The following SLC9A3 variants were observed in gnomAD, a reference collection of about 807,000 sequenced individuals.
The protein encoded by SLC9A3 is sodium/hydrogen exchanger 3.
SLC9A3 carries 37 observed loss-of-function variants against 86.8 expected under a neutral mutation model. The observed-to-expected ratio is 0.43, with a 90% CI of 0.33 to 0.56. The LOEUF (loss-of-function observed/expected upper bound fraction) is 0.56, where lower values mean the gene tolerates loss of function less well. Among genes scored for constraint, SLC9A3 ranks in the 20% least tolerant of loss-of-function variants. The pLI, the probability that SLC9A3 is intolerant of heterozygous loss-of-function variation, is 0.06. For missense variants in SLC9A3, 1,011 were observed against 1,171.9 expected (o/e 0.86, Z 2.00); for synonymous variants, 581 against 528.3 (o/e 1.10, Z -1.37).
chr5:521,059 T>C (rs371395887), intron 1 of SLC9A3, among the ~76,000 whole-genome samples: 96 of 152,338 alleles, frequency 6.3e-4, no homozygotes, highest in African/African-American at 2.2e-3. Flanking sequence ...CACTAGGCCC[T>C]GCCGCCTCCA....
chr5:509,541 C>T (rs530178666), intron 1 of SLC9A3, among the ~76,000 whole-genome samples: 127 of 151,782 alleles, frequency 8.4e-4, no homozygotes, highest in African/African-American at 2.9e-3. Context: ...GGTTTGAGGG[C>T]AGAGTAGGCT....
chr5:481,585 C>T lies in SLC9A3; in HGVS notation c.1497G>A (p.Gly499=), dbSNP rs1180183511. ...CTTACTTGTCTCTGAGATAATTGTG[C>T]CCGATCTGTCCGGATATGTCCTCGA... ...SAIEDISGQI[G]HNYLRDKWSH... Residue 499 remains glycine, a synonymous_variant, in exon 9 of 17, where the codon GGG becomes GGA. Coordinates refer to ENST00000264938, the MANE Select transcript of SLC9A3 (RefSeq NM_004174.4). 1.2e-6 allele frequency: 2 copies of T among 1,613,972 alleles called. No individual in the cohort carries two copies. The highest frequency in any genetic ancestry group is 1.7e-6 in the Non-Finnish European group (2 of 1,179,882).
Position 475,009 on chromosome 5 carries a change from G to C in SLC9A3, c.2375C>G (p.Pro792Arg), listed in dbSNP as rs1211939349. The stretch of plus-strand genomic sequence containing the variant: ...GCGGCAGAAGGTGCCGGGAGAGTAG[G>C]GAATCTGCGTGCGGGCCCTCTGCGA... ...VPSQRARTQI[P>R]YSPGTFCRLM... Residue 792 changes from proline (P) to arginine (R), a missense_variant, in exon 16 of 17, where the codon CCC (proline) becomes CGC (arginine). By Grantham distance (103) the Pro-to-Arg change is moderately radical. This residue lies in a region of SLC9A3 where 397 missense variants were observed against 346.3 expected (regional missense o/e 1.15). Transcript: ENST00000264938. 3 of 1,612,262 alleles carry C rather than the reference G, an allele frequency of 1.9e-6. No homozygotes were observed. Among genetic ancestry groups the C allele is most frequent in the Non-Finnish European group, 2.5e-6 (3 of 1,179,784 alleles).
intron 1 of SLC9A3, among the ~76,000 whole-genome samples, chr5:521,321 A>G (rs1350021450): frequency 6.6e-6 from 1 of 152,190 alleles, no homozygotes; most frequent in Non-Finnish European, 1.5e-5. Flanking sequence ...CCCCAGCCCC[A>G]GTGTTTGCTT....
At chr5:508,146 A>AAGC (rs1351034132) in intron 1 of SLC9A3, among the ~76,000 whole-genome samples, 38 of 152,248 alleles carry the variant, frequency 2.5e-4, no homozygotes, top group African/African-American at 9.2e-4. Context: ...ATGGAATCAC[A>AAGC]AGCAGCCCAG....
Position 476,659 on chromosome 5 carries a change from T to G in SLC9A3, c.1774A>C (p.Ser592Arg), listed in dbSNP as rs1051146292. 1 of 1,605,514 alleles carries G rather than the reference T, an allele frequency of 6.2e-7. No individual in the cohort carries two copies. Among genetic ancestry groups the G allele is most frequent in the Admixed American group, 1.7e-5 (1 of 60,002 alleles). Reference protein sequence around the residue: ...SVSYLLRENVSAVCLDMQSLE... With the variant: ...SVSYLLRENVRAVCLDMQSLE... ...GACTGCATGTCCAGGCAGACAGCGC[T>G]GACATTTTCTCTCCTGCGTGGGGAC... Residue 592 changes from serine to arginine, a missense_variant, in exon 12 of 17, where the codon AGC (serine) becomes CGC (arginine). Physicochemically the swap from Ser to Arg is moderately radical, Grantham distance 110. Transcript: ENST00000264938.
At chr5:488,618 G>T in intron 2 of SLC9A3, 142 bp from the exon 3 acceptor site, 1 of 815,366 alleles carries the variant, frequency 1.2e-6, no homozygotes, top group Non-Finnish European at 1.9e-6. Flanking sequence ...TCAGCTTCCT[G>T]CGTCCCTCCC....
chr5:484,818 CTT>C (rs1739389871), intron 4 of SLC9A3, 121 bp from the exon 5 acceptor site: 7 of 927,156 alleles, frequency 7.5e-6, no homozygotes, highest in Non-Finnish European at 6.6e-6. Context: ...CCCTCACTCT[CTT>C]GGAGATCGGG....
At chr5:509,107 C>CAA (rs113438141) in intron 1 of SLC9A3, among the ~76,000 whole-genome samples, 6 of 123,140 alleles carry the variant, frequency 4.9e-5, no homozygotes, top group East Asian at 2.3e-4. Context: ...GATCCTGTCT[C>CAA]AAAAAAAAAA....
chr5:473,256 C>A lies in SLC9A3; in HGVS notation c.*123G>T. ...AGGCGCTGGCGTGGGCGAGGCGGGG[C>A]TCGGGGCTCGCGGTCGCTGTAGCCG... On this transcript the variant is annotated 3_prime_UTR_variant, in exon 17 of 17. Transcript: ENST00000264938. 9.1e-7 allele frequency: 1 copy of A among 1,094,702 alleles called. No individual in the cohort carries two copies. The highest frequency in any genetic ancestry group is 3.4e-5 in the East Asian group (1 of 29,848). The allele number at this position is 1,094,702 out of a possible 1,614,324, so 67.8% of individuals were successfully genotyped here. A position where few individuals can be genotyped will look rare whatever the true frequency, so the allele number is the denominator to read the frequency against.
rs1423341266 is a variant in SLC9A3, at chr5:491,782, G to A, written c.501C>T (p.Leu167=). The A allele has an allele frequency of 6.4e-7, 1 of 1,553,672 alleles. No homozygotes were observed. Among genetic ancestry groups the A allele is most frequent in the Middle Eastern group, 1.7e-4 (1 of 5,950 alleles). The change falls in exon 2 of 17, where the codon CTC becomes CTT. Residue 167 remains leucine, a synonymous_variant. Transcript: ENST00000264938. This position sits in a 1 kb window ranked among gnomAD's most constrained non-coding sequence, Gnocchi z 9.2. ...GCGCAGACTCACCCATGAGCCCACT[G>A]AGGAAGACGCCGTAGAGGGACAGCC... is the stretch of plus-strand genomic sequence containing the variant. ...TTGLSLYGVF[L]SGLMGDLQIG...
At position 492,042 on chromosome 5, in the gene SLC9A3, C is replaced by A. The variant is rs1409190584; in HGVS notation, c.241G>T (p.Val81Leu). Reference protein sequence around the residue: ...GFHLSHKVTSVVPESALLIVL... With the variant: ...GFHLSHKVTSLVPESALLIVL... Reference sequence around the variant, plus strand: ...ATGAGCAGGGCGCTCTCGGGAACCACGCTGGTGACCTTGTGGGACAGGTGG... The same window carrying A: ...ATGAGCAGGGCGCTCTCGGGAACCAAGCTGGTGACCTTGTGGGACAGGTGG... Residue 81 changes from valine to leucine, a missense_variant, in exon 2 of 17, where the codon GTG (valine) becomes TTG (leucine). Val to Leu is a conservative substitution (Grantham distance 32). Coordinates refer to ENST00000264938, the MANE Select transcript of SLC9A3 (RefSeq NM_004174.4). 3 of 1,512,098 alleles carry A rather than the reference C, an allele frequency of 2.0e-6. No individual in the cohort carries two copies. The highest frequency in any genetic ancestry group is 1.8e-6 in the Non-Finnish European group (2 of 1,120,210). The allele number at this position is 1,512,098 out of a possible 1,614,324, so 93.7% of individuals were successfully genotyped here. A position where few individuals can be genotyped will look rare whatever the true frequency, so the allele number is the denominator to read the frequency against.
chr5:483,106 C>G (rs1427878829), intron 6 of SLC9A3, among the ~76,000 whole-genome samples, 156 bp downstream of exon 6: 16 of 151,992 alleles, frequency 1.1e-4, no homozygotes, highest in Admixed American at 1.0e-3. Context: ...CCAGAGCCTC[C>G]CACCCCAGCC....
intron 9 of SLC9A3, 25 bp downstream of exon 9, chr5:481,540 C>T (rs764145041): frequency 4.1e-5 from 66 of 1,599,060 alleles, no homozygotes; most frequent in African/African-American, 1.1e-4. Context: ...TGTGCGACAC[C>T]GCCGGGGCCG....
intron 16 of SLC9A3, 105 bp from the exon 17 acceptor site, chr5:473,487 C>T (rs1738517050): frequency 4.0e-6 from 4 of 1,007,008 alleles, no homozygotes; most frequent in South Asian, 8.1e-5. Flanking sequence ...CTCTCGCCTC[C>T]CCTCCCGCGG....
At chr5:502,389 C>T (rs1040420389) in intron 1 of SLC9A3, among the ~76,000 whole-genome samples, 2 of 152,310 alleles carry the variant, frequency 1.3e-5, no homozygotes, top group Middle Eastern at 3.4e-3. Context: ...GATGCAGATC[C>T]CAGCTGCCAC....
At chr5:473,720 C>T (rs1579757755) in intron 16 of SLC9A3, among the ~76,000 whole-genome samples, 1 of 152,170 alleles carries the variant, frequency 6.6e-6, no homozygotes, top group African/African-American at 2.4e-5. Flanking sequence ...CTCAAACCGC[C>T]CTGGCGTCCC....
chr5:473,265 C>T lies in SLC9A3; in HGVS notation c.*114G>A, dbSNP rs1049414400. 3.5e-6 allele frequency: 4 copies of T among 1,144,016 alleles called. No homozygotes were observed. The highest frequency in any genetic ancestry group is 3.5e-5 in the African/African-American group (2 of 57,848). The allele number at this position is 1,144,016 out of a possible 1,614,324, so 70.9% of individuals were successfully genotyped here. On this transcript the variant is annotated 3_prime_UTR_variant, in exon 17 of 17. Coordinates refer to ENST00000264938, the MANE Select transcript of SLC9A3 (RefSeq NM_004174.4). ...CGTGGGCGAGGCGGGGCTCGGGGCT[C>T]GCGGTCGCTGTAGCCGCGCGGGGAT...
At chr5:484,151 C>T (rs10462622) in intron 5 of SLC9A3, among the ~76,000 whole-genome samples, 25,547 of 84,754 alleles carry the variant, frequency 0.3, 4,139 homozygotes, top group East Asian at 0.43. Context: ...TGGCTCGCCC[C>T]GCCGGACCCA....
Sources: gnomAD v4.1 joint callset for allele counts (sites outside exome capture counted in the v4.1 genomes callset) on GRCh38, gnomAD v4.1.1 for gene constraint, gnomAD v4.1.1 regional missense constraint, Gnocchi (gnomAD v3.1) non-coding constraint, MANE v1.5 for transcripts, NCBI Gene and HGNC (gene_info 2026-07-23, HGNC 2026-07-21) for gene names.